The following OTUD7B variants were observed in gnomAD, a reference collection of about 807,000 sequenced individuals.
The protein encoded by OTUD7B is OTU deubiquitinase 7B, also known as OTU domain-containing protein 7B.
Under a neutral mutation model 82.2 loss-of-function variants are expected in OTUD7B, and 34 were observed. That is an observed-to-expected ratio of 0.41 (90% CI 0.31 to 0.55). The LOEUF (loss-of-function observed/expected upper bound fraction) is 0.55, where lower values mean the gene tolerates loss of function less well. Among genes scored for constraint, OTUD7B ranks in the 20% least tolerant of loss-of-function variants. The pLI, the probability that OTUD7B is intolerant of heterozygous loss-of-function variation, is 0.20. For synonymous variants in OTUD7B, 398 were observed against 402.7 expected (o/e 0.99, Z 0.14); for missense variants, 944 against 1,062.1 (o/e 0.89, Z 1.55).
the OTUD7B span, among the ~76,000 whole-genome samples, chr1:150,022,429 AC>A: frequency 3.6e-3 from 9 of 2,510 alleles, 4 homozygotes; most frequent in South Asian, 0.031. Context: ...AAAAATAACT[AC>A]ATGCTGAAGG....
At chr1:149,958,738 G>A (rs1648906960) in intron 7 of OTUD7B, among the ~76,000 whole-genome samples, 1 of 56,746 alleles carries the variant, frequency 1.8e-5, no homozygotes, top group Admixed American at 2.6e-4. Context: ...CATCCCAACT[G>A]GTTGATGTCT....
At chr1:149,991,958 G>A (rs1010329492) in intron 1 of OTUD7B, among the ~76,000 whole-genome samples, 3 of 152,176 alleles carry the variant, frequency 2.0e-5, no homozygotes, top group Admixed American at 6.5e-5. Context: ...GGCAGGGCAC[G>A]GTGGCTCATG....
the OTUD7B span, among the ~76,000 whole-genome samples, chr1:150,057,285 T>C: frequency 6.6e-6 from 1 of 152,214 alleles, no homozygotes; most frequent in Admixed American, 6.5e-5. Flanking sequence ...CTTTGTACTA[T>C]GGTTATGTAA....
chr1:150,049,435 G>C, the OTUD7B span, among the ~76,000 whole-genome samples: 13 of 152,040 alleles, frequency 8.6e-5, no homozygotes, highest in Non-Finnish European at 1.5e-4. Flanking sequence ...AATTGAAGCA[G>C]AAAAAACCCC....
At chr1:149,948,561 G>A (rs978702680) in intron 10 of OTUD7B, among the ~76,000 whole-genome samples, 4 of 151,542 alleles carry the variant, frequency 2.6e-5, no homozygotes, top group East Asian at 1.9e-4. Flanking sequence ...TAGTAGAGAC[G>A]AGGTTTCACC....
chr1:149,964,215 C>T lies in OTUD7B; in HGVS notation c.732+7G>A. On this transcript the variant is annotated splice_region_variant and intron_variant, in intron 6 of 11. Coordinates refer to ENST00000581312, the MANE Select transcript of OTUD7B (RefSeq NM_020205.4). ...GAAACAAGGCGCTCCCACCCACGCT[C>T]TCCCACCTCTTTATTCTGCTGTGTC... 1.2e-6 allele frequency: 2 copies of T among 1,611,530 alleles called. No homozygotes were observed. The highest frequency in any genetic ancestry group is 2.2e-5 in the East Asian group (1 of 44,884).
At chr1:149,983,493 A>C (rs1334083974) in intron 1 of OTUD7B, among the ~76,000 whole-genome samples, 1 of 152,158 alleles carries the variant, frequency 6.6e-6, no homozygotes, top group African/African-American at 2.4e-5. Context: ...GAGTCAGGAA[A>C]AGCTTCCCCA....
chr1:150,044,285 G>T, the OTUD7B span, among the ~76,000 whole-genome samples: 1 of 151,740 alleles, frequency 6.6e-6, no homozygotes, highest in Non-Finnish European at 1.5e-5. Flanking sequence ...TTGGCTCACT[G>T]CAACCTTCGC....
intron 1 of OTUD7B, among the ~76,000 whole-genome samples, chr1:149,979,494 A>C (rs1404307885): frequency 2.0e-5 from 3 of 152,186 alleles, no homozygotes; most frequent in African/African-American, 7.2e-5. Flanking sequence ...TTCAAGGTTT[A>C]AAAAATAAAC....
At chr1:150,008,586 T>C (rs1553786650) in intron 1 of OTUD7B, among the ~76,000 whole-genome samples, 1 of 152,176 alleles carries the variant, frequency 6.6e-6, no homozygotes. Context: ...GAGTCTTCAG[T>C]ATTAAAAGCA....
At chr1:149,977,693 G>A in intron 1 of OTUD7B, 117 bp from the exon 2 acceptor site, 1 of 539,570 alleles carries the variant, frequency 1.9e-6, no homozygotes, top group Non-Finnish European at 3.3e-6. Context: ...CATTTCAGTT[G>A]AATTTTAAAA....
chr1:149,949,127 G>C (rs1647989878), intron 9 of OTUD7B, 44 bp from the exon 10 acceptor site: 1 of 1,189,240 alleles, frequency 8.4e-7, no homozygotes, highest in African/African-American at 1.5e-5. Flanking sequence ...CCTTAAGAGA[G>C]AAAGGTAACT....
rs1166098299 is a variant in OTUD7B, at chr1:149,992,467, G to GTTT, written c.-66-14894_-66-14892dup. Among the ~76,000 whole-genome samples the GTTT allele has an allele frequency of 8.4e-3, 517 of 61,568 alleles. 160 individuals are homozygous for GTTT. Among genetic ancestry groups the GTTT allele is most frequent in the Non-Finnish European group, 0.011 (394 of 35,896 alleles). The allele number at this position is 61,568 out of a possible 152,430, so 40.4% of individuals were successfully genotyped here. On this transcript the variant is annotated intron_variant, in intron 1 of 11. Transcript: ENST00000581312. ...TATCTAAATTGTTTTGTGTGCATGTGTTTTTTTTTTTTTTTTTTTTTTTTT... is the reference window on the plus strand; with the variant it reads ...TATCTAAATTGTTTTGTGTGCATGTGTTTTTTTTTTTTTTTTTTTTTTTTTTTT...
rs781975038 is a variant in OTUD7B at position 149,944,283 on chromosome 1, A to C, written c.2106T>G (p.Ser702=). ...YPGDFTIPRP[S]GGGVHCQEPR... ...GTTCCTGGCAGTGGACTCCGCCCCC[A>C]GACGGCCGAGGGATAGTAAAGTCCC... The change falls in exon 12 of 12, where the codon TCT becomes TCG. Residue 702 remains serine, a synonymous_variant. Transcript: ENST00000581312. 6.2e-7 allele frequency: 1 copy of C among 1,610,466 alleles called. No individual in the cohort carries two copies. Among genetic ancestry groups the C allele is most frequent in the South Asian group, 1.1e-5 (1 of 90,628 alleles).
the OTUD7B span, among the ~76,000 whole-genome samples, chr1:150,040,883 T>C: frequency 6.6e-6 from 1 of 152,152 alleles, no homozygotes; most frequent in Non-Finnish European, 1.5e-5. Flanking sequence ...CTAATTTTTG[T>C]ATTTTTAGTA....
chr1:150,062,708 C>CTTTTTTTT, the OTUD7B span, among the ~76,000 whole-genome samples: 520 of 95,920 alleles, frequency 5.4e-3, 2 homozygotes, highest in Non-Finnish European at 6.1e-3. Context: ...CTTCTTCTTT[C>CTTTTTTTT]TTTTTTTTTT....
rs189798677 is a variant in OTUD7B at position 149,957,750 on chromosome 1, C to T, written c.845+1934G>A. On this transcript the variant is annotated intron_variant, in intron 7 of 11. Transcript: ENST00000581312. ...CTCAGCAATGGCGGACGCCCCTCTC[C>T]CAGCCTCACTGCCTCCTTGCAGTTC... Among the ~76,000 whole-genome samples the T allele has an allele frequency of 3.4e-3, 513 of 152,336 alleles. 4 individuals are homozygous for T. The highest frequency in any genetic ancestry group is 0.012 in the African/African-American group (492 of 41,570).
chr1:149,979,031 C>G (rs1172093484), intron 1 of OTUD7B, among the ~76,000 whole-genome samples: 2 of 141,636 alleles, frequency 1.4e-5, no homozygotes, highest in African/African-American at 2.7e-5. Flanking sequence ...TTTTTTGAGA[C>G]AGAGAAAGAT....
chr1:150,055,212 T>C, the OTUD7B span, among the ~76,000 whole-genome samples: 1 of 151,960 alleles, frequency 6.6e-6, no homozygotes, highest in African/African-American at 2.4e-5. Flanking sequence ...TAATTTTTTG[T>C]ATTTTTTAGT....
Sources: gnomAD v4.1 joint callset for allele counts (sites outside exome capture counted in the v4.1 genomes callset) on GRCh38, gnomAD v4.1.1 for gene constraint, MANE v1.5 for transcripts, NCBI Gene and HGNC (gene_info 2026-07-23, HGNC 2026-07-21) for gene names.